The following TMEM132C variants were observed in gnomAD, a reference collection of about 807,000 sequenced individuals.
TMEM132C encodes the protein protein phosphatase 1, regulatory subunit 152.
Under a neutral mutation model 61.4 loss-of-function variants are expected in TMEM132C, and 29 were observed. The ratio of observed to expected loss-of-function variants is 0.47; its 90% CI spans 0.35 to 0.64. The LOEUF (loss-of-function observed/expected upper bound fraction) is 0.64. Among genes scored for constraint, TMEM132C ranks in the 30% least tolerant of loss-of-function variants. The pLI is 0.00. For missense variants in TMEM132C, 1,408 were observed against 1,476.9 expected, an observed-to-expected ratio of 0.95 and a Z score of 0.76; for synonymous variants, 656 against 633.1, an observed-to-expected ratio of 1.04 and a Z score of -0.54.
intron 3 of TMEM132C, among the ~76,000 whole-genome samples, chr12:128,577,813 T>C (rs1419174488): frequency 1.3e-5 from 2 of 152,200 alleles, no homozygotes; most frequent in African/African-American, 4.8e-5. Context: ...GTACCTGCCC[T>C]TTTAGTCCTG....
At chr12:128,685,339 T>G (rs1954665487) in intron 5 of TMEM132C, among the ~76,000 whole-genome samples, 1 of 152,210 alleles carries the variant, frequency 6.6e-6, no homozygotes, top group Admixed American at 6.5e-5. Context: ...TCAAGATGAT[T>G]GCAATTTATT....
intron 3 of TMEM132C, among the ~76,000 whole-genome samples, chr12:128,559,118 CACACACACAG>C (rs747130304): frequency 6.3e-4 from 96 of 151,452 alleles, no homozygotes; most frequent in African/African-American, 1.5e-3. Context: ...CACACACAAA[CACACACACAG>C]ACACACACAG....
At chr12:128,347,257 T>C (rs558536268) in intron 1 of TMEM132C, among the ~76,000 whole-genome samples, 21 of 152,332 alleles carry the variant, frequency 1.4e-4, no homozygotes, top group South Asian at 2.1e-4. Context: ...ACCATTATTT[T>C]GTTCTGTTTT....
At chr12:128,384,272 GA>G (rs1230965098) in intron 1 of TMEM132C, among the ~76,000 whole-genome samples, 3 of 152,168 alleles carry the variant, frequency 2.0e-5, no homozygotes, top group Non-Finnish European at 4.4e-5. Flanking sequence ...CACAGGATGG[GA>G]AAAGATCTGG....
intron 4 of TMEM132C, among the ~76,000 whole-genome samples, chr12:128,618,202 T>C (rs1158829798): frequency 6.6e-6 from 1 of 152,212 alleles, no homozygotes; most frequent in Non-Finnish European, 1.5e-5. Context: ...ATTCAAATAC[T>C]TTGAAAAGGA....
chr12:128,340,877 C>CT (rs1298231247), intron 1 of TMEM132C, among the ~76,000 whole-genome samples: 1 of 135,484 alleles, frequency 7.4e-6, no homozygotes, highest in East Asian at 2.2e-4. Context: ...TCCTTCCTTT[C>CT]TTTTTTCTTT....
At chr12:128,270,431 A>T (rs907264591) in intron 1 of TMEM132C, among the ~76,000 whole-genome samples, 2 of 152,206 alleles carry the variant, frequency 1.3e-5, no homozygotes, top group African/African-American at 4.8e-5. Flanking sequence ...CTAAAGAAGG[A>T]TAATAAGACC....
At chr12:128,357,996 G>T (rs1873573509) in intron 1 of TMEM132C, among the ~76,000 whole-genome samples, 1 of 152,076 alleles carries the variant, frequency 6.6e-6, no homozygotes, top group Non-Finnish European at 1.5e-5. Context: ...GTCCCCGGGG[G>T]TTTTGTGTCG....
chr12:128,298,743 A>G (rs1214991577), intron 1 of TMEM132C, among the ~76,000 whole-genome samples: 1 of 152,212 alleles, frequency 6.6e-6, no homozygotes, highest in Non-Finnish European at 1.5e-5. Context: ...TCTTTGATCC[A>G]CATCTACTCA....
chr12:128,329,747 T>G (rs1872623091), intron 1 of TMEM132C, among the ~76,000 whole-genome samples: 2 of 152,088 alleles, frequency 1.3e-5, no homozygotes, highest in African/African-American at 4.8e-5. Flanking sequence ...CTGGACCCCA[T>G]GGAGAAGGCA....
Position 128,382,964 on chromosome 12 carries a change from G to A in TMEM132C, c.86-31768G>A, listed in dbSNP as rs539699759. On this transcript the variant is annotated intron_variant, in intron 1 of 8. Transcript: ENST00000435159. ...TGTGGGTGTGTGTGTATGTATGTGT[G>A]TGTGTACAGGTCTGTCTCTGTGTCT... Among the ~76,000 whole-genome samples the A allele has an allele frequency of 3.9e-5, 6 of 152,182 alleles. No individual in the cohort carries two copies. The South Asian group carries it at 8.3e-4, about 21-fold the overall frequency.
At chr12:128,424,426 A>G (rs1443670061) in intron 2 of TMEM132C, among the ~76,000 whole-genome samples, 1 of 150,766 alleles carries the variant, frequency 6.6e-6, no homozygotes, top group East Asian at 2.0e-4. Context: ...TACAATATGG[A>G]TGAACCTTAA....
chr12:128,441,638 G>C (rs1174092331), intron 2 of TMEM132C, among the ~76,000 whole-genome samples: 1 of 152,190 alleles, frequency 6.6e-6, no homozygotes, highest in Non-Finnish European at 1.5e-5. Flanking sequence ...TGAAACACTA[G>C]ACATTTGGTG....
intron 1 of TMEM132C, among the ~76,000 whole-genome samples, chr12:128,346,212 G>C (rs1220994123): frequency 2.6e-5 from 4 of 152,140 alleles, no homozygotes. Flanking sequence ...GTAGATAGCT[G>C]TAGGTGTGTG....
intron 3 of TMEM132C, among the ~76,000 whole-genome samples, chr12:128,572,505 C>T (rs559963075): frequency 6.6e-6 from 1 of 151,922 alleles, no homozygotes; most frequent in African/African-American, 2.4e-5. Flanking sequence ...CACATGGCCA[C>T]TGTGGCCTCT....
At chr12:128,307,257 T>C (rs1871815543) in intron 1 of TMEM132C, among the ~76,000 whole-genome samples, 1 of 152,200 alleles carries the variant, frequency 6.6e-6, no homozygotes, top group African/African-American at 2.4e-5. Context: ...TAGCTTCTTC[T>C]GTCCCCAAAG....
intron 1 of TMEM132C, among the ~76,000 whole-genome samples, chr12:128,409,133 GT>G (rs1868424210): frequency 6.6e-6 from 1 of 152,212 alleles, no homozygotes; most frequent in Non-Finnish European, 1.5e-5. Flanking sequence ...CAGTTGAAGT[GT>G]CTGGGTCATG....
intron 2 of TMEM132C, among the ~76,000 whole-genome samples, chr12:128,432,356 G>T (rs956266416): frequency 1.3e-5 from 2 of 152,190 alleles, no homozygotes; most frequent in Non-Finnish European, 2.9e-5. Flanking sequence ...TTCCCCTGAG[G>T]AATCTAAGCA....
intron 3 of TMEM132C, among the ~76,000 whole-genome samples, chr12:128,561,334 G>C (rs1874511522): frequency 6.6e-6 from 1 of 152,170 alleles, no homozygotes; most frequent in Admixed American, 6.5e-5. Flanking sequence ...TTCATGCCAG[G>C]CTGCCTCTCA....
Sources: gnomAD v4.1 joint callset for allele counts (sites outside exome capture counted in the v4.1 genomes callset) on GRCh38, gnomAD v4.1.1 for gene constraint, MANE v1.5 for transcripts, NCBI Gene and HGNC (gene_info 2026-07-23, HGNC 2026-07-21) for gene names.